DOK6: variants seen among roughly 807,000 people sequenced by gnomAD.
DOK6 encodes the protein downstream of tyrosine kinase 6.
In DOK6, 22 loss-of-function variants were observed where a neutral mutation model predicts 44.0. That is an observed-to-expected ratio of 0.50 (90% CI 0.36 to 0.71). The LOEUF (loss-of-function observed/expected upper bound fraction) is 0.71. Ranked by LOEUF, DOK6 falls within the 30% of genes least tolerant of loss-of-function variation. The probability of loss-of-function intolerance (pLI) is 0.00; values close to 1 mark genes in which losing one functional copy is unlikely to be tolerated. For missense variants in DOK6, 340 were observed against 416.4 expected (o/e 0.82, Z 1.60); for synonymous variants, 166 against 145.5 (o/e 1.14, Z -1.01).
chr18:69,698,267 A>G lies in DOK6; in HGVS notation c.410-137A>G, dbSNP rs534917123. ...CAAATTTTGAAATATGTCATGTTCT[A>G]CAATGTTTATCCATATCACCTAGGG... On this transcript the variant is annotated intron_variant, in intron 4 of 7. Coordinates refer to ENST00000382713, the MANE Select transcript of DOK6 (RefSeq NM_152721.6). 1.0e-5 allele frequency: 7 copies of G among 690,984 alleles called. No individual in the cohort carries two copies. In the African/African-American group the frequency reaches 1.3e-4, roughly 13 times the overall value. 42.8% of individuals were successfully genotyped at this position (690,984 alleles called of 1,614,324 possible).
chr18:69,525,112 G>A (rs9989507), intron 1 of DOK6, among the ~76,000 whole-genome samples: 2 of 151,468 alleles, frequency 1.3e-5, no homozygotes, highest in African/African-American at 4.8e-5. Flanking sequence ...AATCTTGTAC[G>A]TCTTTAAAAC....
intron 4 of DOK6, among the ~76,000 whole-genome samples, chr18:69,687,011 T>C (rs1986168400): frequency 1.3e-5 from 2 of 152,146 alleles, no homozygotes; most frequent in African/African-American, 4.8e-5. Context: ...ACTAATGCTA[T>C]GCAAAACTAT....
intron 1 of DOK6, among the ~76,000 whole-genome samples, chr18:69,514,756 G>A (rs997378573): frequency 6.7e-6 from 1 of 150,066 alleles, no homozygotes; most frequent in East Asian, 1.9e-4. Flanking sequence ...TTTAAAATTA[G>A]GCTGTTGTCT....
chr18:69,620,099 C>A (rs74371692), intron 3 of DOK6, among the ~76,000 whole-genome samples: 1 of 151,818 alleles, frequency 6.6e-6, no homozygotes, highest in Non-Finnish European at 1.5e-5. Context: ...AAATATGTGA[C>A]GTATGCTTTT....
At chr18:69,811,710 G>C (rs1039535847) in intron 7 of DOK6, among the ~76,000 whole-genome samples, 1 of 151,816 alleles carries the variant, frequency 6.6e-6, no homozygotes, top group Non-Finnish European at 1.5e-5. Flanking sequence ...CCAAGAATCT[G>C]TGTTTTGCAA....
intron 6 of DOK6, among the ~76,000 whole-genome samples, chr18:69,749,449 G>A (rs1382815343): frequency 6.6e-6 from 1 of 151,984 alleles, no homozygotes; most frequent in Admixed American, 6.6e-5. Context: ...ACATTATACA[G>A]AATCTCTTGA....
intron 1 of DOK6, among the ~76,000 whole-genome samples, chr18:69,561,010 A>G (rs1431717601): frequency 6.6e-6 from 1 of 152,198 alleles, no homozygotes; most frequent in Non-Finnish European, 1.5e-5. Flanking sequence ...AATATTTATT[A>G]GAATTGTATA....
At chr18:69,612,644 T>C (rs991968207) in intron 3 of DOK6, among the ~76,000 whole-genome samples, 3 of 152,172 alleles carry the variant, frequency 2.0e-5, no homozygotes, top group Admixed American at 6.5e-5. Flanking sequence ...ACTCCCATAG[T>C]ACCCTAAAGC....
chr18:69,492,379 T>G (rs1980758564), intron 1 of DOK6, among the ~76,000 whole-genome samples: 2 of 152,212 alleles, frequency 1.3e-5, no homozygotes, highest in African/African-American at 4.8e-5. Context: ...ACCCCTTATT[T>G]CTTTTAAAAA....
chr18:69,447,548 C>G (rs1979332000), intron 1 of DOK6, among the ~76,000 whole-genome samples: 1 of 152,006 alleles, frequency 6.6e-6, no homozygotes, highest in Non-Finnish European at 1.5e-5. Flanking sequence ...CTTCAAAGAG[C>G]CAACATTAGG....
At chr18:69,560,743 G>A (rs142738853) in intron 1 of DOK6, among the ~76,000 whole-genome samples, 1 of 152,048 alleles carries the variant, frequency 6.6e-6, no homozygotes. Flanking sequence ...ACTGCGGCAT[G>A]AGCTTTACAT....
intron 1 of DOK6, among the ~76,000 whole-genome samples, chr18:69,402,841 A>G (rs1217479717): frequency 2.0e-5 from 3 of 152,294 alleles, no homozygotes; most frequent in African/African-American, 7.2e-5. Context: ...CTTGGGTAGA[A>G]GAAAGCGCCT....
intron 4 of DOK6, among the ~76,000 whole-genome samples, chr18:69,691,219 AT>A (rs1986258347): frequency 4.0e-5 from 6 of 151,372 alleles, no homozygotes; most frequent in African/African-American, 1.5e-4. Context: ...AAATAAATAA[AT>A]AAATAAATAA....
chr18:69,622,718 T>C (rs1984470066), intron 3 of DOK6, among the ~76,000 whole-genome samples: 1 of 152,116 alleles, frequency 6.6e-6, no homozygotes, highest in Non-Finnish European at 1.5e-5. Context: ...ACAAAGAAAA[T>C]TGAGATTCAG....
chr18:69,663,760 C>A (rs530267625), intron 3 of DOK6, among the ~76,000 whole-genome samples: 24 of 152,108 alleles, frequency 1.6e-4, no homozygotes, highest in Non-Finnish European at 4.4e-5. Flanking sequence ...AGGCAACAAG[C>A]CTATCCTCAA....
At chr18:69,606,503 T>C (rs62089908) in intron 3 of DOK6, among the ~76,000 whole-genome samples, 27,356 of 151,742 alleles carry the variant, frequency 0.18, 2,832 homozygotes, top group Middle Eastern at 0.29. Flanking sequence ...AAGGCAAGGA[T>C]GTTCACCCTT....
Position 69,730,910 on chromosome 18 carries a change from G to A in DOK6, c.600-8055G>A, listed in dbSNP as rs562384896. Among the ~76,000 whole-genome samples the A allele has an allele frequency of 3.9e-5, 6 of 152,202 alleles. No homozygotes were observed. The Middle Eastern group carries it at 0.014, about 345-fold the overall frequency. ...GAGCCCAGGAGTTTGAGGCCAGCCT[G>A]AGCAAGAGAAACCCTAGCTCTACAA... On this transcript the variant is annotated intron_variant, in intron 5 of 7. Coordinates refer to ENST00000382713, the MANE Select transcript of DOK6 (RefSeq NM_152721.6).
chr18:69,649,946 A>G lies in DOK6; in HGVS notation c.290-27788A>G, dbSNP rs138538096. 2.0e-5 allele frequency among the ~76,000 whole-genome samples: 3 copies of G among 152,196 alleles called. No individual in the cohort carries two copies. The East Asian group carries it at 5.8e-4, about 29-fold the overall frequency. On this transcript the variant is annotated intron_variant, in intron 3 of 7. Transcript: ENST00000382713. ...TTAAAAAGTAAAACTTGACCCACTGATCCTAAAATACATCTCTTATGGGAT... is the reference window on the plus strand; with the variant it reads ...TTAAAAAGTAAAACTTGACCCACTGGTCCTAAAATACATCTCTTATGGGAT...
Position 69,698,579 on chromosome 18 carries a change from G to C in DOK6, c.585G>C (p.Thr195=). 5 of 1,613,452 alleles carry C rather than the reference G, an allele frequency of 3.1e-6. No individual in the cohort carries two copies. The highest frequency in any genetic ancestry group is 3.4e-6 in the Non-Finnish European group (4 of 1,179,742). Residue 195 remains threonine, a synonymous_variant, in exon 5 of 8, where the codon ACG becomes ACC. Coordinates refer to ENST00000382713, the MANE Select transcript of DOK6 (RefSeq NM_152721.6). ...RRYGRDSTWF[T]FESGRMCDTG... is the part of the protein sequence containing the mutation. Reference sequence around the variant, plus strand: ...ACGGTCGGGACTCAACGTGGTTCACGTTTGAGTCAGGAAGGTAAGATCTAG... The same window carrying C: ...ACGGTCGGGACTCAACGTGGTTCACCTTTGAGTCAGGAAGGTAAGATCTAG...
Sources: gnomAD v4.1 joint callset for allele counts (sites outside exome capture counted in the v4.1 genomes callset) on GRCh38, gnomAD v4.1.1 for gene constraint, MANE v1.5 for transcripts, NCBI Gene and HGNC (gene_info 2026-07-23, HGNC 2026-07-21) for gene names.